The following CLIP4 variants were observed in gnomAD, a reference collection of about 807,000 sequenced individuals.
CLIP4 encodes the protein CAP-Gly domain-containing linker protein 4.
CLIP4 carries 47 observed loss-of-function variants against 73.1 expected under a neutral mutation model. That is an observed-to-expected ratio of 0.64 (90% CI 0.51 to 0.82). CLIP4 has a LOEUF of 0.82. Ranked by LOEUF, CLIP4 falls within the 40% of genes least tolerant of loss-of-function variation. The pLI is 0.00. For missense variants in CLIP4, 874 were observed against 852.9 expected (o/e 1.02, Z -0.31); for synonymous variants, 306 against 295.4 (o/e 1.04, Z -0.37).
intron 11 of CLIP4, among the ~76,000 whole-genome samples, chr2:29,159,759 T>C (rs1667168923): frequency 6.6e-6 from 1 of 151,992 alleles, no homozygotes; most frequent in African/African-American, 2.4e-5. Context: ...AGTGAACTAT[T>C]AATACTATAA....
intron 15 of CLIP4, chr2:29,175,712 C>T (rs1668285576): frequency 6.6e-6 from 1 of 152,160 alleles, no homozygotes; most frequent in African/African-American, 2.4e-5. Context: ...TAACACTAGT[C>T]CCTTAAAAAT....
intron 13 of CLIP4, among the ~76,000 whole-genome samples, chr2:29,165,687 T>C (rs1003321210): frequency 6.6e-6 from 1 of 152,218 alleles, no homozygotes; most frequent in African/African-American, 2.4e-5. Flanking sequence ...GTTTTGTTTG[T>C]TTCCTAGTCA....
chr2:29,164,582 A>G (rs1207826174), intron 13 of CLIP4, among the ~76,000 whole-genome samples: 2 of 152,200 alleles, frequency 1.3e-5, no homozygotes, highest in Non-Finnish European at 2.9e-5. Flanking sequence ...GGCTTCTCTT[A>G]TGCTCTGGAA....
At position 29,147,120 on chromosome 2, in the gene CLIP4, A is replaced by T. The variant is rs142241504; in HGVS notation, c.1021+1753A>T. The stretch of plus-strand genomic sequence containing the variant: ...TCTTTACATATTGTTTGAAAATTTG[A>T]TTTTGAATAGCTCCATTTCCTTTAA... On this transcript the variant is annotated intron_variant, in intron 8 of 15. Coordinates refer to ENST00000320081, the MANE Select transcript of CLIP4 (RefSeq NM_024692.6). Among the ~76,000 whole-genome samples the T allele has an allele frequency of 6.6e-4, 101 of 152,256 alleles. No individual in the cohort carries two copies. The East Asian group carries it at 0.012, about 18-fold the overall frequency.
rs114666804 is a variant in CLIP4 at position 29,117,149 on chromosome 2, G to T, written c.-16+1484G>T. On this transcript the variant is annotated intron_variant, in intron 1 of 15. Coordinates refer to ENST00000320081, the MANE Select transcript of CLIP4 (RefSeq NM_024692.6). ...TATATTGTTTTCTCATCTGGAGAGT[G>T]AGCTGCACTGTTTTCCTTCAGTGCT... is the stretch of plus-strand genomic sequence containing the variant. 3.8e-3 allele frequency among the ~76,000 whole-genome samples: 573 copies of T among 152,256 alleles called. 7 individuals are homozygous for T. Among genetic ancestry groups the T allele is most frequent in the African/African-American group, 0.013 (523 of 41,556 alleles).
At chr2:29,130,783 A>G (rs1048703980) in intron 2 of CLIP4, 6 of 1,287,010 alleles carry the variant, frequency 4.7e-6, no homozygotes, top group Non-Finnish European at 6.1e-6. Flanking sequence ...CTATGTGTAC[A>G]TAGTATAATT....
intron 9 of CLIP4, among the ~76,000 whole-genome samples, chr2:29,153,451 C>G (rs190478485): frequency 1.3e-5 from 2 of 152,194 alleles, no homozygotes; most frequent in Non-Finnish European, 2.9e-5. Context: ...TATTCATATC[C>G]TGTCTCTAGT....
intron 8 of CLIP4, among the ~76,000 whole-genome samples, chr2:29,148,770 A>T (rs1353165421): frequency 6.6e-6 from 1 of 152,212 alleles, no homozygotes; most frequent in East Asian, 1.9e-4. Context: ...ACAACAAAGT[A>T]TTACCTTAAA....
chr2:29,160,357 C>T lies in CLIP4; in HGVS notation c.1424C>T (p.Thr475Ile), dbSNP rs778450745. Residue 475 changes from threonine (T) to isoleucine (I), a missense_variant, in exon 12 of 16, where the codon ACA (threonine) becomes ATA (isoleucine). Thr to Ile is a moderately conservative substitution (Grantham distance 89). Coordinates refer to ENST00000320081, the MANE Select transcript of CLIP4 (RefSeq NM_024692.6). ...GGTTTGAATTCCTCAGCAACATCTA[C>T]AGCAAATAATAGCCGTTGCGAGGGG... ...SAGLNSSATSTANNSRCEGEL... is the reference protein window; with the variant it reads ...SAGLNSSATSIANNSRCEGEL... 29 of 1,614,004 alleles carry T rather than the reference C, an allele frequency of 1.8e-5. No homozygotes were observed. The East Asian group carries it at 5.3e-4, about 30-fold the overall frequency.
At chr2:29,107,293 T>C (rs1049055284) in intron 1 of CLIP4, among the ~76,000 whole-genome samples, 1 of 150,110 alleles carries the variant, frequency 6.7e-6, no homozygotes, top group African/African-American at 2.4e-5. Flanking sequence ...CAGATTTTCC[T>C]GTGTGTGTGT....
At chr2:29,104,556 G>A (rs1392907617) in intron 1 of CLIP4, among the ~76,000 whole-genome samples, 4 of 152,320 alleles carry the variant, frequency 2.6e-5, no homozygotes, top group African/African-American at 9.6e-5. Flanking sequence ...CAAAGTGCTG[G>A]GATTACAGGC....
intron 8 of CLIP4, among the ~76,000 whole-genome samples, chr2:29,151,336 A>G (rs970106689): frequency 6.6e-6 from 1 of 152,320 alleles, no homozygotes. Flanking sequence ...TTCCCAGAGT[A>G]TAAAATAATT....
chr2:29,131,269 T>G lies in CLIP4; in HGVS notation c.145T>G (p.Phe49Val), dbSNP rs1464020433. Reference sequence around the variant, plus strand: ...TTTTTTTATTTCAGAATTTTCTTTCTTTGATCCTAATGATGCATCATGCCA... The same window carrying G: ...TTTTTTTATTTCAGAATTTTCTTTCGTTGATCCTAATGATGCATCATGCCA... ...PMPSDCEFSF[F>V]DPNDASCQEI... Residue 49 changes from phenylalanine (F) to valine (V), a missense_variant, in exon 3 of 16, where the codon TTT becomes GTT. Transcript: ENST00000320081. The G allele has an allele frequency of 6.3e-7, 1 of 1,598,476 alleles. No individual in the cohort carries two copies. Among genetic ancestry groups the G allele is most frequent in the Non-Finnish European group, 8.5e-7 (1 of 1,174,284 alleles).
rs1431476299 is a variant in CLIP4 at position 29,183,576 on chromosome 2, T to C, written c.*1683T>C. On this transcript the variant is annotated 3_prime_UTR_variant, in exon 16 of 16. Coordinates refer to ENST00000320081, the MANE Select transcript of CLIP4 (RefSeq NM_024692.6). ...GTTATTCATAATTTTTCCTGTTAAA[T>C]ATAAAACACTGTAAGTTAAAAACAG... 6.5e-6 allele frequency: 1 copy of C among 152,674 alleles called. No homozygotes were observed. Among genetic ancestry groups the C allele is most frequent in the Non-Finnish European group, 1.5e-5 (1 of 68,032 alleles). The allele number at this position is 152,674 out of a possible 1,614,324, so 9.5% of individuals were successfully genotyped here. A position where few individuals can be genotyped will look rare whatever the true frequency, so the allele number is the denominator to read the frequency against.
Position 29,149,643 on chromosome 2 carries a change from A to G in CLIP4, c.1022-3042A>G, listed in dbSNP as rs556290608. Among the ~76,000 whole-genome samples, 57 of 152,096 alleles carry G rather than the reference A, an allele frequency of 3.7e-4. No individual in the cohort carries two copies. The South Asian group carries it at 0.012, about 32-fold the overall frequency. On this transcript the variant is annotated intron_variant, in intron 8 of 15. Transcript: ENST00000320081. ...TATCAATACTTCAGTTAGCCTGAGT[A>G]ACTGAGTAATAGAGGCCGCCCATAT...
intron 14 of CLIP4, among the ~76,000 whole-genome samples, chr2:29,171,411 T>A (rs912315055): frequency 6.6e-6 from 1 of 152,174 alleles, no homozygotes; most frequent in African/African-American, 2.4e-5. Flanking sequence ...ATACCAACTT[T>A]CTTTTGGTTA....
chr2:29,149,782 C>T (rs149598708), intron 8 of CLIP4, among the ~76,000 whole-genome samples: 1,508 of 150,462 alleles, frequency 0.01, 20 homozygotes, highest in African/African-American at 0.035. Flanking sequence ...TTATATACTA[C>T]GGAAATCTTT....
At chr2:29,103,967 A>G (rs1668128969) in intron 1 of CLIP4, among the ~76,000 whole-genome samples, 1 of 151,718 alleles carries the variant, frequency 6.6e-6, no homozygotes, top group Non-Finnish European at 1.5e-5. Flanking sequence ...TCGGCCTCCC[A>G]AAGTGCTGGG....
At position 29,107,361 on chromosome 2, in the gene CLIP4, T is replaced by TTTTTTTG. The variant is rs1558504908; in HGVS notation, c.-16+9420_-16+9421insGTTTTTT. Among the ~76,000 whole-genome samples, 35 of 75,352 alleles carry TTTTTTTG rather than the reference T, an allele frequency of 4.6e-4. 1 individual carries two copies. The highest frequency in any genetic ancestry group is 1.1e-3 in the East Asian group (3 of 2,758). 49.4% of individuals were successfully genotyped at this position (75,352 alleles called of 152,430 possible). ...TCTAAATTCCTGGAACATGATAGTT[T>TTTTTTTG]TTTTTTTTTTTTTTTTTTTTTTTTT... On this transcript the variant is annotated intron_variant, in intron 1 of 14. Coordinates refer to the CLIP4 transcript ENST00000401605.
Sources: allele counts gnomAD v4.1 joint callset (sites outside exome capture counted in the v4.1 genomes callset), GRCh38; gene constraint gnomAD v4.1.1; transcripts MANE v1.5; gene names NCBI Gene and HGNC (gene_info 2026-07-23, HGNC 2026-07-21).